Variants in AGMO observed in about 807,000 individuals in gnomAD.
The protein encoded by AGMO is alkylglycerol monooxygenase, also known as glyceryl-ether monooxygenase.
A neutral mutation model predicts 60.2 loss-of-function variants in AGMO; 75 were observed. The ratio of observed to expected loss-of-function variants is 1.25; its 90% CI spans 1.03 to 1.51. The LOEUF is 1.51. Ranked by LOEUF, AGMO falls within the 40% of genes most tolerant of loss-of-function variation. The pLI is 0.00. For missense variants in AGMO, 763 were observed against 525.5 expected, an observed-to-expected ratio of 1.45 and a Z score of -4.42; for synonymous variants, 261 against 177.1, an observed-to-expected ratio of 1.47 and a Z score of -3.76.
At chr7:15,149,493 T>C in the AGMO span, among the ~76,000 whole-genome samples, 1 of 152,192 alleles carries the variant, frequency 6.6e-6, no homozygotes, top group Non-Finnish European at 1.5e-5. Flanking sequence ...GATTTTATTA[T>C]ATGGTGAAAG....
intron 5 of AGMO, among the ~76,000 whole-genome samples, chr7:15,417,043 T>C (rs190779888): frequency 5.3e-5 from 8 of 152,324 alleles, no homozygotes; most frequent in Admixed American, 4.6e-4. Context: ...CGAATGTAAC[T>C]ACACGGTTGA....
chr7:15,352,482 G>A (rs1406133398), intron 12 of AGMO, among the ~76,000 whole-genome samples: 1 of 150,312 alleles, frequency 6.7e-6, no homozygotes, highest in Non-Finnish European at 1.5e-5. Context: ...AGGGTGCAAA[G>A]GAAGAATAAT....
rs187159357 is a variant in AGMO at position 15,433,315 on chromosome 7, C to T, written c.410-2207G>A. Among the ~76,000 whole-genome samples the T allele has an allele frequency of 2.6e-3, 401 of 152,134 alleles. 1 individual carries two copies. The highest frequency in any genetic ancestry group is 9.0e-3 in the African/African-American group (373 of 41,532). ...TCTGTCTTTCTAGTTGTTTCAAAAG[C>T]ATTTACTTCCTATCACAAACTGTGT... On this transcript the variant is annotated intron_variant, in intron 3 of 12. Transcript: ENST00000342526.
At chr7:15,376,710 T>C (rs931765335) in intron 10 of AGMO, among the ~76,000 whole-genome samples, 13 of 152,080 alleles carry the variant, frequency 8.5e-5, no homozygotes, top group Non-Finnish European at 2.9e-5. Context: ...GCTAGTGCAA[T>C]ACATATTATA....
At chr7:15,184,331 A>G in the AGMO span, among the ~76,000 whole-genome samples, 2 of 100,416 alleles carry the variant, frequency 2.0e-5, no homozygotes, top group East Asian at 3.7e-4. Flanking sequence ...GGGAAGGAGG[A>G]AGGAAGGAAG....
chr7:15,145,353 G>T, the AGMO span, among the ~76,000 whole-genome samples: 341 of 152,016 alleles, frequency 2.2e-3, 1 homozygote, highest in Admixed American at 4.8e-3. Context: ...GTTATTTAAA[G>T]ATATTTAAAA....
intron 12 of AGMO, among the ~76,000 whole-genome samples, chr7:15,263,830 G>A (rs902375806): frequency 6.6e-6 from 1 of 152,082 alleles, no homozygotes; most frequent in Non-Finnish European, 1.5e-5. Context: ...ACCAAACATC[G>A]TATGTTCTCA....
intron 12 of AGMO, among the ~76,000 whole-genome samples, chr7:15,342,172 T>TAAAAAAAAAA (rs775057626): frequency 1.8e-4 from 10 of 54,302 alleles, no homozygotes; most frequent in African/African-American, 8.4e-4. Context: ...CCCACAGAGT[T>TAAAAAAAAAA]AAAAAAAAAA....
chr7:15,195,523 T>A (rs1360387095), downstream of AGMO, among the ~76,000 whole-genome samples: 3 of 152,216 alleles, frequency 2.0e-5, no homozygotes, highest in South Asian at 2.1e-4. Flanking sequence ...GCAAATGGGT[T>A]TTGTACTTGG....
chr7:15,414,087 A>C (rs1190721313), intron 5 of AGMO, among the ~76,000 whole-genome samples: 3 of 151,104 alleles, frequency 2.0e-5, no homozygotes, highest in African/African-American at 7.3e-5. Context: ...GGTTCACTGC[A>C]AGCTCCGCCT....
At chr7:15,363,912 C>G (rs980857899) in intron 12 of AGMO, among the ~76,000 whole-genome samples, 1 of 151,764 alleles carries the variant, frequency 6.6e-6, no homozygotes, top group East Asian at 1.9e-4. Flanking sequence ...TGTTAAAGTG[C>G]CATTTTCTTT....
At chr7:15,222,481 A>T (rs1287436670) in intron 12 of AGMO, among the ~76,000 whole-genome samples, 2 of 152,106 alleles carry the variant, frequency 1.3e-5, no homozygotes, top group Non-Finnish European at 2.9e-5. Context: ...TATTCCCTTA[A>T]AGCAAAAACA....
intron 2 of AGMO, among the ~76,000 whole-genome samples, chr7:15,551,937 A>C (rs1490279960): frequency 2.6e-5 from 4 of 151,544 alleles, no homozygotes; most frequent in African/African-American, 9.7e-5. Context: ...AGGCTACAGT[A>C]ACCAAAACAG....
intron 12 of AGMO, among the ~76,000 whole-genome samples, chr7:15,248,223 T>TATATATATATATATATATATA (rs71004372): frequency 1.8e-5 from 2 of 111,992 alleles, no homozygotes; most frequent in Non-Finnish European, 3.8e-5. Flanking sequence ...TATATATATA[T>TATATATATATATATATATATA]ATCTTCATCT....
At chr7:15,179,663 C>G in the AGMO span, among the ~76,000 whole-genome samples, 2 of 152,024 alleles carry the variant, frequency 1.3e-5, no homozygotes, top group Non-Finnish European at 2.9e-5. Flanking sequence ...CAGAGAAAAC[C>G]CTACTCTCAT....
intron 12 of AGMO, among the ~76,000 whole-genome samples, chr7:15,252,288 G>GA (rs2128506797): frequency 6.6e-6 from 1 of 152,186 alleles, no homozygotes; most frequent in East Asian, 1.9e-4. Context: ...AGTGTGATGG[G>GA]AAAATTCTAA....
At chr7:15,437,184 T>C (rs1392523948) in intron 3 of AGMO, among the ~76,000 whole-genome samples, 1 of 152,208 alleles carries the variant, frequency 6.6e-6, no homozygotes, top group Non-Finnish European at 1.5e-5. Flanking sequence ...CTAATTTCTT[T>C]CACTATTCTT....
intron 12 of AGMO, among the ~76,000 whole-genome samples, chr7:15,239,872 A>G (rs1181250684): frequency 6.6e-6 from 1 of 152,078 alleles, no homozygotes; most frequent in Non-Finnish European, 1.5e-5. Flanking sequence ...TTAAATGCAG[A>G]CCTTATGATT....
intron 3 of AGMO, among the ~76,000 whole-genome samples, chr7:15,475,217 A>G (rs1353154907): frequency 6.6e-6 from 1 of 152,228 alleles, no homozygotes; most frequent in African/African-American, 2.4e-5. Flanking sequence ...ATTATAAATC[A>G]TTCTACTATA....
Sources: gnomAD v4.1 joint callset for allele counts (sites outside exome capture counted in the v4.1 genomes callset) on GRCh38, gnomAD v4.1.1 for gene constraint, MANE v1.5 for transcripts, NCBI Gene and HGNC (gene_info 2026-07-23, HGNC 2026-07-21) for gene names.